The following ANGEL1 variants were observed in gnomAD, a reference collection of about 807,000 sequenced individuals.
ANGEL1 encodes the protein angel homolog 1.
Under a neutral mutation model 76.4 loss-of-function variants are expected in ANGEL1, and 62 were observed. The ratio of observed to expected loss-of-function variants is 0.81; its 90% CI spans 0.66 to 1.00. The LOEUF (loss-of-function observed/expected upper bound fraction) is 1.00, where lower values mean the gene tolerates loss of function less well. ANGEL1 is among the 50% of genes least tolerant of loss of function. ANGEL1 has a pLI of 0.00. For synonymous variants in ANGEL1, 340 were observed against 331.7 expected (o/e 1.03, Z -0.27); for missense variants, 737 against 836.7 (o/e 0.88, Z 1.47).
chr14:76,797,522 C>T (rs950108493), intron 7 of ANGEL1, among the ~76,000 whole-genome samples: 5 of 152,158 alleles, frequency 3.3e-5, no homozygotes, highest in Admixed American at 1.3e-4. Context: ...ATCACTTGAA[C>T]CCAGGAGACA....
Position 76,803,224 on chromosome 14 carries a change from C to T in ANGEL1, c.1618+147G>A, listed in dbSNP as rs1894815950. 9.0e-6 allele frequency: 6 copies of T among 670,320 alleles called. No homozygotes were observed. The East Asian group carries it at 1.7e-4, about 19-fold the overall frequency. The allele number at this position is 670,320 out of a possible 1,614,324, so 41.5% of individuals were successfully genotyped here. On this transcript the variant is annotated intron_variant, in intron 7 of 9. Coordinates refer to ENST00000251089, the MANE Select transcript of ANGEL1 (RefSeq NM_015305.4). Reference sequence around the variant, plus strand: ...GCACATCCATGCAATGGCCACTGAACTCAACTAACCTTCCTTCTAAATATA... The same window carrying T: ...GCACATCCATGCAATGGCCACTGAATTCAACTAACCTTCCTTCTAAATATA...
intron 7 of ANGEL1, among the ~76,000 whole-genome samples, chr14:76,800,435 G>A (rs760885769): frequency 7.2e-5 from 11 of 152,120 alleles, no homozygotes; most frequent in Non-Finnish European, 1.5e-4. Context: ...AATAAACTGG[G>A]CCACTGACAT....
chr14:76,812,839 C>G lies in ANGEL1; in HGVS notation c.-12G>C, dbSNP rs1462236122. On this transcript the variant is annotated 5_prime_UTR_variant, in exon 1 of 10. Coordinates refer to ENST00000251089, the MANE Select transcript of ANGEL1 (RefSeq NM_015305.4). ...CACGACGCGATCATGGCCGGCCGCC[C>G]GCGCCCGCCTCCGCTCCTCACTGCA... 6.6e-7 allele frequency: 1 copy of G among 1,507,088 alleles called. No homozygotes were observed. Among genetic ancestry groups the G allele is most frequent in the Non-Finnish European group, 8.8e-7 (1 of 1,131,826 alleles). The allele number at this position is 1,507,088 out of a possible 1,614,324, so 93.4% of individuals were successfully genotyped here.
chr14:76,798,597 C>G (rs1232897278), intron 7 of ANGEL1, among the ~76,000 whole-genome samples: 1 of 152,074 alleles, frequency 6.6e-6, no homozygotes, highest in Admixed American at 6.6e-5. Flanking sequence ...AATAGAAATG[C>G]TGACAATGAG....
intron 1 of ANGEL1, 34 bp downstream of exon 1, chr14:76,812,730 C>T: frequency 1.3e-6 from 2 of 1,496,294 alleles, no homozygotes; most frequent in Non-Finnish European, 8.9e-7. Context: ...GAGCCCTGGC[C>T]GGGCTCCTGT....
chr14:76,793,056 G>A (rs865907959), intron 7 of ANGEL1, among the ~76,000 whole-genome samples: 49 of 151,910 alleles, frequency 3.2e-4, no homozygotes, highest in Middle Eastern at 6.8e-3. Flanking sequence ...GCAGGTACAC[G>A]ATCAATACAC....
Position 76,806,777 on chromosome 14 carries a change from C to G in ANGEL1, c.1019G>C (p.Arg340Thr). The G allele has an allele frequency of 6.2e-7, 1 of 1,614,226 alleles. No individual in the cohort carries two copies. Among genetic ancestry groups the G allele is most frequent in the Non-Finnish European group, 8.5e-7 (1 of 1,180,038 alleles). The change falls in exon 5 of 10, where the codon AGA becomes ACA. Residue 340 changes from arginine (R) to threonine (T), a missense_variant. Arg to Thr is a moderately conservative substitution (Grantham distance 71). Transcript: ENST00000251089. Reference protein sequence around the residue: ...DGCAVCYKPTRFRLLCASPVE... With the variant: ...DGCAVCYKPTTFRLLCASPVE... ...AGGGCTAGCACAGAGCAGGCGGAAT[C>G]TGGTAGGCTTGTAGCAGACAGCACA...
chr14:76,807,383 A>C (rs376539030), intron 4 of ANGEL1, 50 bp downstream of exon 4: 2 of 1,557,374 alleles, frequency 1.3e-6, no homozygotes, highest in African/African-American at 2.7e-5. Flanking sequence ...GAGAGAGTAG[A>C]CAAGTCTGTG....
At chr14:76,804,463 C>T (rs893255916) in intron 5 of ANGEL1, 1 of 991,280 alleles carries the variant, frequency 1.0e-6, no homozygotes, top group African/African-American at 1.7e-5. Context: ...CAACATCAGT[C>T]ATCTGCACAT....
rs769130333 is a variant in ANGEL1, at chr14:76,809,178, T to G, written c.530A>C (p.Asp177Ala). The G allele has an allele frequency of 6.2e-7, 1 of 1,613,974 alleles. No homozygotes were observed. ...GALATEQWEE[D>A]PAVLAWSIAP... ...TATGCTCCAGGCCAACACCGCTGGGTCCTCTTCCCACTGCTCTGTGGCCAG... is the reference window on the plus strand; with the variant it reads ...TATGCTCCAGGCCAACACCGCTGGGGCCTCTTCCCACTGCTCTGTGGCCAG... The change falls in exon 2 of 10, where the codon GAC (aspartate) becomes GCC (alanine). Residue 177 changes from aspartate to alanine, a missense_variant. Asp to Ala is a moderately radical substitution (Grantham distance 126). Coordinates refer to ENST00000251089, the MANE Select transcript of ANGEL1 (RefSeq NM_015305.4).
chr14:76,798,855 C>T (rs1046023031), intron 7 of ANGEL1, among the ~76,000 whole-genome samples: 7 of 147,846 alleles, frequency 4.7e-5, no homozygotes, highest in African/African-American at 7.5e-5. Context: ...GGCTGAGGCA[C>T]GAGAATTGCC....
intron 1 of ANGEL1, chr14:76,812,232 G>C (rs1285164506): frequency 2.0e-6 from 2 of 984,748 alleles, no homozygotes; most frequent in Non-Finnish European, 2.4e-6. Context: ...CTGATTGAAC[G>C]TCCGTTTTTC....
At chr14:76,791,168 G>A in intron 8 of ANGEL1, 129 bp downstream of exon 8, 1 of 1,018,490 alleles carries the variant, frequency 9.8e-7, no homozygotes, top group South Asian at 1.4e-5. Flanking sequence ...AAGTTTAGCA[G>A]ATATTAGGGG....
Position 76,812,789 on chromosome 14 carries a change from G to A in ANGEL1, c.39C>T (p.Ala13=). ...CTGAGAGGGCGCGGAAGAGGCGCGT[G>A]GCCGGCAGCAGCAGGTAACACAAGC... is the stretch of plus-strand genomic sequence containing the variant. ...ASCLCYLLLP[A]TRLFRALSDA... is the part of the protein sequence containing the mutation. Residue 13 remains alanine (A), a synonymous_variant, in exon 1 of 10, where the codon GCC becomes GCT. Coordinates refer to ENST00000251089, the MANE Select transcript of ANGEL1 (RefSeq NM_015305.4). 5 of 1,522,166 alleles carry A rather than the reference G, an allele frequency of 3.3e-6. No homozygotes were observed. Among genetic ancestry groups the A allele is most frequent in the Non-Finnish European group, 4.4e-6 (5 of 1,139,710 alleles). 94.3% of individuals were successfully genotyped at this position (1,522,166 alleles called of 1,614,324 possible).
chr14:76,804,186 T>C, intron 5 of ANGEL1: 2 of 1,411,402 alleles, frequency 1.4e-6, no homozygotes, highest in Non-Finnish European at 1.8e-6. Context: ...TGTGGTTCCC[T>C]AAATTTTACC....
At chr14:76,806,388 A>G in intron 5 of ANGEL1, 28 bp downstream of exon 5, 1 of 1,594,104 alleles carries the variant, frequency 6.3e-7, no homozygotes. Flanking sequence ...CCATGTTCCC[A>G]CCCACACCGT....
rs1894380031 is a variant in ANGEL1, at chr14:76,790,761, T to C, written c.1702A>G (p.Ile568Val). ...EPAFSRTVGTIQHCLHLTSVY... is the reference protein window; with the variant it reads ...EPAFSRTVGTVQHCLHLTSVY... ...GACGTCAGGTGGAGGCAGTGCTGGATGGTACCTACAGTCCTACAGGGATGA... is the reference window on the plus strand; with the variant it reads ...GACGTCAGGTGGAGGCAGTGCTGGACGGTACCTACAGTCCTACAGGGATGA... The change falls in exon 9 of 10, where the codon ATC becomes GTC. Residue 568 changes from isoleucine to valine, a missense_variant. This residue lies in a region of ANGEL1 where 296 missense variants were observed against 387.2 expected (regional missense o/e 0.76). Coordinates refer to ENST00000251089, the MANE Select transcript of ANGEL1 (RefSeq NM_015305.4). The C allele has an allele frequency of 6.2e-7, 1 of 1,613,470 alleles. No homozygotes were observed. The highest frequency in any genetic ancestry group is 1.1e-5 in the South Asian group (1 of 91,022).
At chr14:76,802,684 A>G (rs1372712746) in intron 7 of ANGEL1, among the ~76,000 whole-genome samples, 1 of 152,044 alleles carries the variant, frequency 6.6e-6, no homozygotes, top group African/African-American at 2.4e-5. Context: ...CTTGTTGAAA[A>G]AAAAAAAAGG....
At chr14:76,812,275 G>A in intron 1 of ANGEL1, 2 of 989,774 alleles carry the variant, frequency 2.0e-6, no homozygotes, top group Non-Finnish European at 2.4e-6. Flanking sequence ...GAGCTGCCAG[G>A]TGGCAGTGAA....
Sources: gnomAD v4.1 joint callset for allele counts (sites outside exome capture counted in the v4.1 genomes callset) on GRCh38, gnomAD v4.1.1 for gene constraint, gnomAD v4.1.1 regional missense constraint, MANE v1.5 for transcripts, NCBI Gene and HGNC (gene_info 2026-07-23, HGNC 2026-07-21) for gene names.